CSMD1: variants seen among roughly 807,000 people sequenced by gnomAD.
CSMD1 encodes CUB and sushi domain-containing protein 1.
Under a neutral mutation model 417.5 loss-of-function variants are expected in CSMD1, and 213 were observed. The observed-to-expected ratio is 0.51, with a 90% CI of 0.46 to 0.57. CSMD1 has a LOEUF of 0.57. Among genes scored for constraint, CSMD1 ranks in the 20% least tolerant of loss-of-function variants. CSMD1 has a pLI of 0.00. For synonymous variants in CSMD1, 2,862 were observed against 1,736.8 expected, an observed-to-expected ratio of 1.65 and a Z score of -16.11; for missense variants, 6,923 against 4,529.7, an observed-to-expected ratio of 1.53 and a Z score of -15.17.
intron 54 of CSMD1, among the ~76,000 whole-genome samples, chr8:2,997,331 A>G (rs1290477041): frequency 6.6e-6 from 1 of 152,246 alleles, no homozygotes; most frequent in African/African-American, 2.4e-5. Flanking sequence ...CCACTCTGCT[A>G]TCAGCTTATT....
intron 51 of CSMD1, among the ~76,000 whole-genome samples, chr8:3,026,703 G>A (rs1420453217): frequency 1.3e-5 from 2 of 152,236 alleles, no homozygotes; most frequent in African/African-American, 4.8e-5. Context: ...CCAGGTATCT[G>A]AGCCCAGAAG....
chr8:4,155,441 T>C (rs1010957450), intron 3 of CSMD1, among the ~76,000 whole-genome samples: 2 of 152,218 alleles, frequency 1.3e-5, no homozygotes, highest in Non-Finnish European at 2.9e-5. Flanking sequence ...AGGAACCTTG[T>C]TTGGGAAATG....
At chr8:2,971,944 G>C (rs1264116859) in intron 57 of CSMD1, among the ~76,000 whole-genome samples, 1 of 151,968 alleles carries the variant, frequency 6.6e-6, no homozygotes, top group Non-Finnish European at 1.5e-5. Context: ...GGATTATCAT[G>C]TTTGTGTGCA....
At chr8:4,194,857 T>C (rs1202693632) in intron 3 of CSMD1, among the ~76,000 whole-genome samples, 1 of 152,134 alleles carries the variant, frequency 6.6e-6, no homozygotes, top group African/African-American at 2.4e-5. Context: ...TCCCACTGTA[T>C]TATACCCATT....
intron 26 of CSMD1, among the ~76,000 whole-genome samples, chr8:3,283,879 G>A (rs1394544086): frequency 2.0e-5 from 3 of 152,222 alleles, no homozygotes; most frequent in Non-Finnish European, 2.9e-5. Context: ...CATTTCTGAA[G>A]GTTCCAGTGG....
chr8:4,506,723 G>C (rs191490914), intron 2 of CSMD1, among the ~76,000 whole-genome samples: 2 of 152,288 alleles, frequency 1.3e-5, no homozygotes, highest in East Asian at 1.9e-4. Flanking sequence ...TTCCTTCAGA[G>C]TGTATTGTTT....
intron 10 of CSMD1, among the ~76,000 whole-genome samples, chr8:3,530,215 G>C (rs1020999004): frequency 1.3e-5 from 2 of 151,966 alleles, no homozygotes; most frequent in African/African-American, 4.8e-5. Flanking sequence ...TTCAGATTTA[G>C]TTTGCTCTTT....
At chr8:4,189,946 G>A (rs571429619) in intron 3 of CSMD1, among the ~76,000 whole-genome samples, 1 of 151,698 alleles carries the variant, frequency 6.6e-6, no homozygotes, top group African/African-American at 2.4e-5. Context: ...AAAAAGCAGA[G>A]AGCATAGTGT....
At chr8:4,439,589 T>G (rs1585076796) in intron 2 of CSMD1, among the ~76,000 whole-genome samples, 1 of 152,180 alleles carries the variant, frequency 6.6e-6, no homozygotes, top group East Asian at 1.9e-4. Flanking sequence ...TTCTTTATTA[T>G]TAACATACTT....
chr8:4,746,984 T>C (rs1810999263), intron 1 of CSMD1, among the ~76,000 whole-genome samples: 1 of 152,108 alleles, frequency 6.6e-6, no homozygotes, highest in Non-Finnish European at 1.5e-5. Context: ...AGGAATAATT[T>C]CTCAAGCAGG....
At chr8:3,353,519 T>G (rs549751389) in intron 21 of CSMD1, among the ~76,000 whole-genome samples, 25 of 152,298 alleles carry the variant, frequency 1.6e-4, no homozygotes, top group African/African-American at 4.3e-4. Flanking sequence ...AATGGATGTG[T>G]CAAAGAAACT....
chr8:3,632,116 C>T (rs572117413), intron 7 of CSMD1, among the ~76,000 whole-genome samples: 1 of 152,218 alleles, frequency 6.6e-6, no homozygotes, highest in African/African-American at 2.4e-5. Context: ...TAAAATTGAG[C>T]AAACATTTTC....
chr8:4,858,562 C>G (rs1252420964), intron 1 of CSMD1, among the ~76,000 whole-genome samples: 2 of 152,188 alleles, frequency 1.3e-5, no homozygotes, highest in African/African-American at 2.4e-5. Context: ...ACAACTTCGG[C>G]AAAGTCTCAG....
chr8:3,761,759 G>C (rs921932408), intron 5 of CSMD1, among the ~76,000 whole-genome samples: 1 of 152,052 alleles, frequency 6.6e-6, no homozygotes, highest in African/African-American at 2.4e-5. Flanking sequence ...ATCTGCTTAG[G>C]CCTCCTAAAG....
intron 1 of CSMD1, among the ~76,000 whole-genome samples, chr8:4,949,628 C>A (rs899567002): frequency 6.6e-6 from 1 of 152,088 alleles, no homozygotes; most frequent in Non-Finnish European, 1.5e-5. Flanking sequence ...CATCCCCAAC[C>A]AAGAAGCATC....
At chr8:4,790,894 G>C (rs74959116) in intron 1 of CSMD1, among the ~76,000 whole-genome samples, 1 of 152,072 alleles carries the variant, frequency 6.6e-6, no homozygotes, top group Non-Finnish European at 1.5e-5. Context: ...AGGAAACATA[G>C]GAAATACCAT....
At chr8:3,627,255 A>C (rs1796538945) in intron 7 of CSMD1, among the ~76,000 whole-genome samples, 1 of 152,162 alleles carries the variant, frequency 6.6e-6, no homozygotes, top group Non-Finnish European at 1.5e-5. Context: ...CCTTCTGTGC[A>C]GCTGTTCATG....
intron 1 of CSMD1, among the ~76,000 whole-genome samples, chr8:4,940,796 T>G (rs1163243942): frequency 6.6e-6 from 1 of 152,174 alleles, no homozygotes; most frequent in Non-Finnish European, 1.5e-5. Context: ...AAATTTTAAA[T>G]CATAATCTCT....
At chr8:3,419,489 G>A (rs1157981648) in intron 12 of CSMD1, among the ~76,000 whole-genome samples, 1 of 152,134 alleles carries the variant, frequency 6.6e-6, no homozygotes, top group African/African-American at 2.4e-5. Flanking sequence ...CATATACACT[G>A]ATTTTTAATA....
Sources: allele counts gnomAD v4.1 joint callset (sites outside exome capture counted in the v4.1 genomes callset), GRCh38; gene constraint gnomAD v4.1.1; transcripts MANE v1.5; gene names NCBI Gene and HGNC (gene_info 2026-07-23, HGNC 2026-07-21).